TOP2B: variants seen among roughly 807,000 people sequenced by gnomAD.
TOP2B encodes the protein DNA topoisomerase II beta, also known as DNA topoisomerase 2-beta.
Under a neutral mutation model 193.5 loss-of-function variants are expected in TOP2B, and 51 were observed. The observed-to-expected ratio is 0.26, with a 90% CI of 0.21 to 0.33. TOP2B has a LOEUF of 0.33. Ranked by LOEUF, TOP2B falls within the 10% of genes least tolerant of loss-of-function variation. The pLI is 1.00. For missense variants in TOP2B, 1,378 were observed against 1,909.3 expected, an observed-to-expected ratio of 0.72 and a Z score of 5.19; for synonymous variants, 634 against 635.7, an observed-to-expected ratio of 1.00 and a Z score of 0.04.
chr3:25,601,274 C>A, intron 33 of TOP2B, 49 bp from the exon 34 acceptor site: 1 of 1,577,626 alleles, frequency 6.3e-7, no homozygotes, highest in South Asian at 1.2e-5. Flanking sequence ...ACCAACAAAC[C>A]AAACTGAAGA....
At chr3:25,658,214 A>T (rs1221285255) in intron 1 of TOP2B, among the ~76,000 whole-genome samples, 2 of 151,746 alleles carry the variant, frequency 1.3e-5, no homozygotes, top group Non-Finnish European at 2.9e-5. Flanking sequence ...GGGCAACAAC[A>T]GAGCGAGATT....
At chr3:25,615,099 T>C (rs1702470242) in intron 27 of TOP2B, 106 bp downstream of exon 27, 2 of 929,366 alleles carry the variant, frequency 2.2e-6, no homozygotes, top group Admixed American at 3.0e-5. Context: ...TATAAACATA[T>C]TAACCTTCAC....
rs1704030150 is a variant in TOP2B, at chr3:25,664,514, TCCGCGTCGCCCGGGCCTAGCGCGGCGG to T, written c.-244_-218del. ...CTGCCCTCAAACTCGAGGCGCGGCG[TCCGCGTCGCCCGGGCCTAGCGCGGCGG>T]CTGAGGAGAAAGCAGGGAGCGACCG... On this transcript the variant is annotated 5_prime_UTR_variant, in exon 1 of 36. Transcript: ENST00000264331. The T allele has an allele frequency of 8.6e-7, 1 of 1,167,392 alleles. No individual in the cohort carries two copies. The highest frequency in any genetic ancestry group is 4.7e-5 in the Admixed American group (1 of 21,308). 72.3% of individuals were successfully genotyped at this position (1,167,392 alleles called of 1,614,324 possible).
At position 25,609,216 on chromosome 3, in the gene TOP2B, T is replaced by G. The variant is rs561264666; in HGVS notation, c.4060A>C (p.Ile1354Leu). 11 of 1,609,134 alleles carry G rather than the reference T, an allele frequency of 6.8e-6. No individual in the cohort carries two copies. In the South Asian group the frequency reaches 1.2e-4, roughly 18 times the overall value. The change falls in exon 30 of 36, where the codon ATT becomes CTT. Residue 1354 changes from isoleucine to leucine, a missense_variant. This residue lies in a region of TOP2B where 556 missense variants were observed against 584.2 expected (regional missense o/e 0.95). Transcript: ENST00000264331. Reference protein sequence around the residue: ...SDLEETEPVVIPRDSLLRRAA... With the variant: ...SDLEETEPVVLPRDSLLRRAA... ...CTCCTAAGCAAAGAATCTCTTGGAATAACCACAGGTTCTGTTTCTTCCAAA... is the reference window on the plus strand; with the variant it reads ...CTCCTAAGCAAAGAATCTCTTGGAAGAACCACAGGTTCTGTTTCTTCCAAA...
intron 33 of TOP2B, among the ~76,000 whole-genome samples, chr3:25,603,064 A>T (rs1411143422): frequency 6.6e-6 from 1 of 152,168 alleles, no homozygotes; most frequent in Non-Finnish European, 1.5e-5. Context: ...AGCAAGTAGG[A>T]TAGGTACCAT....
In TOP2B at chr3:25,598,450, C is replaced by A. The variant is rs765403902; in HGVS notation, c.4738G>T (p.Asp1580Tyr). 12 of 1,599,274 alleles carry A rather than the reference C, an allele frequency of 7.5e-6. No homozygotes were observed. The highest frequency in any genetic ancestry group is 1.4e-5 in the African/African-American group (1 of 73,928). The change falls in exon 36 of 36, where the codon GAT becomes TAT. Residue 1580 changes from aspartate (D) to tyrosine (Y), a missense_variant. Transcript: ENST00000264331. ...KKPKKTSFDQ[D>Y]SDVDIFPSDF... ...GAGGGGAAGATGTCCACATCTGAAT[C>A]CTGATCAAAAGATGTCTTCTTCGGT...
At chr3:25,598,523 G>GAC (rs1437156426) in intron 35 of TOP2B, 46 bp from the exon 36 acceptor site, 2 of 1,453,162 alleles carry the variant, frequency 1.4e-6, no homozygotes, top group East Asian at 4.9e-5. Flanking sequence ...AGGAAGTAAA[G>GAC]ACTAGTATTA....
intron 28 of TOP2B, among the ~76,000 whole-genome samples, chr3:25,611,669 G>T (rs369144586): frequency 5.3e-5 from 8 of 151,962 alleles, no homozygotes; most frequent in African/African-American, 1.9e-4. Context: ...TCCTGCTTGA[G>T]GTTAGGTCAA....
intron 1 of TOP2B, 53 bp from the exon 2 acceptor site, chr3:25,645,523 G>C (rs892945721): frequency 1.5e-6 from 2 of 1,362,568 alleles, no homozygotes; most frequent in Non-Finnish European, 9.9e-7. Context: ...GGTAGACAAT[G>C]AGTATGGACA....
intron 27 of TOP2B, among the ~76,000 whole-genome samples, 190 bp downstream of exon 27, chr3:25,615,015 A>G (rs1279333508): frequency 6.6e-6 from 1 of 152,148 alleles, no homozygotes; most frequent in East Asian, 1.9e-4. Flanking sequence ...TTTCAATTTC[A>G]TAGCATTTAA....
At position 25,612,689 on chromosome 3, in the gene TOP2B, T is replaced by C. The variant is rs1461928440; in HGVS notation, c.3612A>G (p.Arg1204=). ...EELDKVESQE[R]EDVLAGMSGK... is the part of the protein sequence containing the mutation. ...CAGACATTCCAGCCAGAACATCTTCTCGTTCTTGAGATTCCACTTTCTAAA... is the reference window on the plus strand; with the variant it reads ...CAGACATTCCAGCCAGAACATCTTCCCGTTCTTGAGATTCCACTTTCTAAA... The change falls in exon 28 of 36, where the codon CGA becomes CGG. Residue 1204 remains arginine, a synonymous_variant. Transcript: ENST00000264331. The C allele has an allele frequency of 1.2e-6, 2 of 1,613,562 alleles. No individual in the cohort carries two copies. Among genetic ancestry groups the C allele is most frequent in the Non-Finnish European group, 1.7e-6 (2 of 1,179,660 alleles).
At chr3:25,639,306 C>A (rs1301397216) in intron 4 of TOP2B, among the ~76,000 whole-genome samples, 5 of 152,046 alleles carry the variant, frequency 3.3e-5, no homozygotes, top group African/African-American at 1.2e-4. Context: ...ATGCTTTCCA[C>A]GTTTGTTTTT....
intron 1 of TOP2B, among the ~76,000 whole-genome samples, chr3:25,648,486 T>C (rs1267142882): frequency 6.6e-6 from 1 of 152,154 alleles, no homozygotes; most frequent in African/African-American, 2.4e-5. Context: ...GAGAGTTAGC[T>C]AAGCCTTCAA....
intron 15 of TOP2B, 74 bp from the exon 16 acceptor site, chr3:25,627,370 G>A (rs764777518): frequency 2.6e-5 from 25 of 957,454 alleles, no homozygotes; most frequent in Non-Finnish European, 3.7e-5. Context: ...AAAAGCTGGT[G>A]GAAAAGTTGT....
intron 31 of TOP2B, 88 bp from the exon 32 acceptor site, chr3:25,606,210 G>A: frequency 1.6e-6 from 1 of 613,296 alleles, no homozygotes; most frequent in Non-Finnish European, 2.6e-6. Context: ...TTTACTGCAG[G>A]ATTATAATCA....
chr3:25,614,108 A>G (rs1265577445), intron 27 of TOP2B, among the ~76,000 whole-genome samples: 1 of 152,232 alleles, frequency 6.6e-6, no homozygotes, highest in Non-Finnish European at 1.5e-5. Flanking sequence ...CAGAATTTAA[A>G]TAAGTTGTTT....
At chr3:25,651,445 T>TAA (rs34010313) in intron 1 of TOP2B, among the ~76,000 whole-genome samples, 1,803 of 118,534 alleles carry the variant, frequency 0.015, 38 homozygotes, top group African/African-American at 0.05. Context: ...AACATGTCAC[T>TAA]AAAAAAAAAA....
At chr3:25,638,335 A>G in intron 4 of TOP2B, 25 bp from the exon 5 acceptor site, 2 of 1,348,890 alleles carry the variant, frequency 1.5e-6, no homozygotes, top group Non-Finnish European at 9.7e-7. Context: ...AAAAAAAAAA[A>G]AAAAAAAAAA....
Position 25,639,232 on chromosome 3 carries a change from T to G in TOP2B, c.396-922A>C, listed in dbSNP as rs555446220. On this transcript the variant is annotated intron_variant, in intron 4 of 35. Coordinates refer to ENST00000264331, the MANE Select transcript of TOP2B (RefSeq NM_001330700.2). Reference sequence around the variant, plus strand: ...TGCAATATTTTTTGAAAGCTACAGTTTTAAAATTTCAACTCTAAATAAAGA... The same window carrying G: ...TGCAATATTTTTTGAAAGCTACAGTGTTAAAATTTCAACTCTAAATAAAGA... Among the ~76,000 whole-genome samples, 22 of 152,354 alleles carry G rather than the reference T, an allele frequency of 1.4e-4. No homozygotes were observed. In the South Asian group the frequency reaches 3.9e-3, roughly 27 times the overall value.
Sources: gnomAD v4.1 joint callset for allele counts (sites outside exome capture counted in the v4.1 genomes callset) on GRCh38, gnomAD v4.1.1 for gene constraint, gnomAD v4.1.1 regional missense constraint, MANE v1.5 for transcripts, NCBI Gene and HGNC (gene_info 2026-07-23, HGNC 2026-07-21) for gene names.